NDUFAF6: variants seen among roughly 807,000 people sequenced by gnomAD.
NDUFAF6 encodes the protein NADH:ubiquinone oxidoreductase complex assembly factor 6.
Under a neutral mutation model 40.8 loss-of-function variants are expected in NDUFAF6, and 45 were observed. The ratio of observed to expected loss-of-function variants is 1.10; its 90% CI spans 0.87 to 1.42. The LOEUF is 1.42. NDUFAF6 is among the 40% of genes most tolerant of loss of function. The pLI, the probability that NDUFAF6 is intolerant of heterozygous loss-of-function variation, is 0.00. For missense variants in NDUFAF6, 435 were observed against 418.5 expected (o/e 1.04, Z -0.34); for synonymous variants, 185 against 155.9 (o/e 1.19, Z -1.39).
intron 1 of NDUFAF6, among the ~76,000 whole-genome samples, chr8:94,962,609 G>GT (rs375083573): frequency 0.045 from 2,036 of 45,640 alleles, 51 homozygotes; most frequent in African/African-American, 0.13. Flanking sequence ...TCTGTTTTTT[G>GT]TTTTTTGTTT....
intron 1 of NDUFAF6, among the ~76,000 whole-genome samples, chr8:94,934,159 A>ACTGT (rs1163305095): frequency 6.6e-6 from 1 of 152,128 alleles, no homozygotes; most frequent in Non-Finnish European, 1.5e-5. Flanking sequence ...GAAAAAAAAA[A>ACTGT]ACACAATCTG....
At chr8:95,084,663 G>A (rs182349381) in intron 2 of NDUFAF6, among the ~76,000 whole-genome samples, 67 of 152,278 alleles carry the variant, frequency 4.4e-4, no homozygotes, top group Admixed American at 3.7e-3. Flanking sequence ...TGGCTTCCTA[G>A]GTAATTGGAC....
chr8:95,066,306 T>G (rs1341330601), intron 9 of NDUFAF6, among the ~76,000 whole-genome samples: 1 of 148,612 alleles, frequency 6.7e-6, no homozygotes, highest in African/African-American at 2.5e-5. Context: ...TTTTTTTTTT[T>G]TTTTGAGAGA....
intron 1 of NDUFAF6, among the ~76,000 whole-genome samples, chr8:94,971,862 C>G (rs530466495): frequency 2.7e-4 from 41 of 152,022 alleles, no homozygotes; most frequent in South Asian, 8.3e-4. Flanking sequence ...CACTTGAACT[C>G]TGGAGGCGGA....
At chr8:95,082,625 C>A (rs1486622092) in intron 2 of NDUFAF6, among the ~76,000 whole-genome samples, 5 of 149,804 alleles carry the variant, frequency 3.3e-5, no homozygotes, top group African/African-American at 1.3e-4. Context: ...TGTTCCTTAG[C>A]ATTCTTTTTG....
At chr8:95,014,123 T>A (rs1014060933) in intron 2 of NDUFAF6, among the ~76,000 whole-genome samples, 1 of 152,180 alleles carries the variant, frequency 6.6e-6, no homozygotes, top group African/African-American at 2.4e-5. Flanking sequence ...ATCTCAGACT[T>A]CTCGCTACCA....
At chr8:95,061,400 A>G (rs753982824), downstream of NDUFAF6, among the ~76,000 whole-genome samples, 5 of 152,176 alleles carry the variant, frequency 3.3e-5, no homozygotes, top group Admixed American at 6.5e-5. Context: ...TGTAAACATT[A>G]TGTGGTTCTT....
intron 1 of NDUFAF6, among the ~76,000 whole-genome samples, chr8:94,970,271 A>AG (rs1387016561): frequency 1.3e-5 from 2 of 151,590 alleles, no homozygotes; most frequent in South Asian, 2.1e-4. Flanking sequence ...AAAAAAAAAA[A>AG]AAGAAGAAGG....
At chr8:95,014,195 G>A (rs923807493) in intron 2 of NDUFAF6, among the ~76,000 whole-genome samples, 1 of 152,176 alleles carries the variant, frequency 6.6e-6, no homozygotes, top group East Asian at 1.9e-4. Context: ...CTTTATTATG[G>A]TAGCCCTAGG....
chr8:94,946,711 A>AAAAAAAAAAAAAAAC (rs1216886053), intron 2 of NDUFAF6, among the ~76,000 whole-genome samples: 1 of 148,196 alleles, frequency 6.7e-6, no homozygotes, highest in African/African-American at 2.5e-5. Flanking sequence ...AAAAAAAAAA[A>AAAAAAAAAAAAAAAC]AAAAAAAAAG....
At chr8:95,075,067 C>T (rs955483774) in intron 9 of NDUFAF6, among the ~76,000 whole-genome samples, 5 of 152,208 alleles carry the variant, frequency 3.3e-5, no homozygotes, top group East Asian at 1.9e-4. Flanking sequence ...AGGTCAACAA[C>T]GGCCCAGACT....
At chr8:95,079,094 C>T (rs1189120138), downstream of NDUFAF6, among the ~76,000 whole-genome samples, 2 of 152,024 alleles carry the variant, frequency 1.3e-5, no homozygotes, top group Non-Finnish European at 2.9e-5. Flanking sequence ...GTCTCAGTCT[C>T]CCGAGCATCT....
intron 2 of NDUFAF6, chr8:95,033,909 TC>T: frequency 2.3e-6 from 1 of 440,480 alleles, no homozygotes; most frequent in South Asian, 1.6e-5. Context: ...AAAGGTAAGG[TC>T]TTGGAGACAC....
At chr8:95,072,664 G>C (rs951744333) in intron 9 of NDUFAF6, 2 of 152,258 alleles carry the variant, frequency 1.3e-5, no homozygotes, top group African/African-American at 4.8e-5. Context: ...ATTGAGGTTG[G>C]GCAGATGGGC....
chr8:95,007,658 T>TG, intron 2 of NDUFAF6, among the ~76,000 whole-genome samples: 1 of 129,372 alleles, frequency 7.7e-6, no homozygotes, highest in African/African-American at 2.9e-5. Flanking sequence ...TGTGAGGCTC[T>TG]GTTTTTTTTT....
intron 1 of NDUFAF6, among the ~76,000 whole-genome samples, chr8:95,028,417 G>T (rs907753190): frequency 6.6e-6 from 1 of 152,146 alleles, no homozygotes; most frequent in Non-Finnish European, 1.5e-5. Flanking sequence ...CATTTATAAC[G>T]ATGATCCTAA....
chr8:95,003,648 G>A (rs372035707), intron 2 of NDUFAF6, among the ~76,000 whole-genome samples: 1 of 152,066 alleles, frequency 6.6e-6, no homozygotes, highest in Admixed American at 6.6e-5. Flanking sequence ...TTCCATTGGC[G>A]AGTTCTTGCT....
intron 3 of NDUFAF6, chr8:95,036,484 G>T (rs898824305): frequency 1.2e-5 from 15 of 1,289,392 alleles, no homozygotes; most frequent in Non-Finnish European, 1.5e-5. Context: ...AGAAAAAGTG[G>T]ATGGGAAGCT....
At chr8:95,084,387 T>C (rs1403966461) in intron 2 of NDUFAF6, among the ~76,000 whole-genome samples, 1 of 152,224 alleles carries the variant, frequency 6.6e-6, no homozygotes, top group Non-Finnish European at 1.5e-5. Flanking sequence ...AATTTTTTAA[T>C]ACTAGAAAAC....
Sources: allele counts gnomAD v4.1 joint callset (sites outside exome capture counted in the v4.1 genomes callset), GRCh38; gene constraint gnomAD v4.1.1; transcripts MANE v1.5; gene names NCBI Gene and HGNC (gene_info 2026-07-23, HGNC 2026-07-21).